NRXN3: variants seen among roughly 807,000 people sequenced by gnomAD.
NRXN3 encodes the protein neurexin III.
NRXN3 carries 32 observed loss-of-function variants against 137.6 expected under a neutral mutation model. The ratio of observed to expected loss-of-function variants is 0.23; its 90% CI spans 0.18 to 0.31. The LOEUF is 0.31. NRXN3 is among the 10% of genes least tolerant of loss of function. The probability of loss-of-function intolerance (pLI) is 1.00; values close to 1 mark genes in which losing one functional copy is unlikely to be tolerated. For synonymous variants in NRXN3, 798 were observed against 784.5 expected (o/e 1.02, Z -0.29); for missense variants, 1,574 against 2,062.5 (o/e 0.76, Z 4.59).
rs552538142 is a variant in NRXN3 at position 78,643,168 on chromosome 14, C to G, written c.758-1952C>G. Reference sequence around the variant, plus strand: ...CACATTATAAAATATCTCCTTTTTACAGCTCTTACTTTATGATGAAAAAAT... The same window carrying G: ...CACATTATAAAATATCTCCTTTTTAGAGCTCTTACTTTATGATGAAAAAAT... On this transcript the variant is annotated intron_variant, in intron 4 of 20. Coordinates refer to ENST00000335750, the MANE Select transcript of NRXN3 (RefSeq NM_001330195.2). Among the ~76,000 whole-genome samples the G allele has an allele frequency of 1.5e-4, 23 of 152,298 alleles. 1 individual carries two copies. In the South Asian group the frequency reaches 4.8e-3, roughly 32 times the overall value.
chr14:78,732,582 C>A (rs1354680210), intron 8 of NRXN3, among the ~76,000 whole-genome samples: 1 of 152,140 alleles, frequency 6.6e-6, no homozygotes, highest in Non-Finnish European at 1.5e-5. Flanking sequence ...AATGTATCTT[C>A]CCATTGATAC....
chr14:79,525,883 TTTTA>T (rs954310896), intron 16 of NRXN3, among the ~76,000 whole-genome samples: 7 of 152,110 alleles, frequency 4.6e-5, no homozygotes, highest in Non-Finnish European at 1.0e-4. Flanking sequence ...CTTTCTACCT[TTTTA>T]TTTATTTATT....
intron 4 of NRXN3, among the ~76,000 whole-genome samples, chr14:78,513,082 G>A (rs187549243): frequency 6.6e-6 from 1 of 152,260 alleles, no homozygotes; most frequent in Admixed American, 6.5e-5. Context: ...TCTGGGAGGA[G>A]AAATCTCAGA....
At chr14:79,753,292 T>C (rs1211232478) in intron 19 of NRXN3, among the ~76,000 whole-genome samples, 1 of 151,864 alleles carries the variant, frequency 6.6e-6, no homozygotes, top group African/African-American at 2.4e-5. Context: ...GCGGCACTAT[T>C]CACAATAGCA....
chr14:78,544,331 G>A (rs1185245441), intron 4 of NRXN3, among the ~76,000 whole-genome samples: 4 of 152,210 alleles, frequency 2.6e-5, no homozygotes, highest in African/African-American at 9.6e-5. Context: ...TAGGCATGCA[G>A]TGTTAATAAA....
intron 4 of NRXN3, among the ~76,000 whole-genome samples, chr14:78,463,981 C>A (rs2095014515): frequency 6.6e-6 from 1 of 151,422 alleles, no homozygotes; most frequent in East Asian, 1.9e-4. Context: ...ATTACTCATT[C>A]TTTTTTATGC....
intron 10 of NRXN3, among the ~76,000 whole-genome samples, chr14:78,943,928 C>T (rs2099360231): frequency 6.6e-6 from 1 of 151,754 alleles, no homozygotes; most frequent in African/African-American, 2.4e-5. Flanking sequence ...TTTGCAACAG[C>T]ATGAGATAAA....
chr14:79,526,395 A>G (rs1449754635), intron 16 of NRXN3, among the ~76,000 whole-genome samples: 1 of 152,096 alleles, frequency 6.6e-6, no homozygotes, highest in African/African-American at 2.4e-5. Context: ...TGATCTTGAT[A>G]TATTGCCCAG....
chr14:79,399,272 T>G (rs562257020), intron 15 of NRXN3, among the ~76,000 whole-genome samples: 494 of 152,340 alleles, frequency 3.2e-3, no homozygotes, highest in Non-Finnish European at 6.0e-3. Flanking sequence ...ATTTTACTGC[T>G]GAAAAATACT....
intron 1 of NRXN3, among the ~76,000 whole-genome samples, chr14:78,190,792 G>C (rs1263355218): frequency 2.0e-5 from 3 of 152,024 alleles, no homozygotes; most frequent in African/African-American, 7.2e-5. Flanking sequence ...TCGTGCCTCA[G>C]CCTCCCGAGT....
chr14:79,018,468 T>C (rs139712877), intron 15 of NRXN3, among the ~76,000 whole-genome samples: 1 of 152,136 alleles, frequency 6.6e-6, no homozygotes, highest in African/African-American at 2.4e-5. Flanking sequence ...TTCTCCACTT[T>C]CTGAGATCCT....
chr14:79,500,736 C>A (rs1359085829), intron 16 of NRXN3, among the ~76,000 whole-genome samples: 1 of 152,132 alleles, frequency 6.6e-6, no homozygotes, highest in Non-Finnish European at 1.5e-5. Flanking sequence ...CTGTGGGTTG[C>A]AGTGAGGTCA....
At chr14:79,017,996 A>G (rs1380610204) in intron 15 of NRXN3, among the ~76,000 whole-genome samples, 6 of 152,072 alleles carry the variant, frequency 3.9e-5, no homozygotes, top group African/African-American at 1.4e-4. Context: ...ATGGTGGCTC[A>G]TGACTGTAAT....
intron 15 of NRXN3, among the ~76,000 whole-genome samples, chr14:79,323,816 C>T (rs2090439414): frequency 6.6e-6 from 1 of 152,078 alleles, no homozygotes; most frequent in African/African-American, 2.4e-5. Flanking sequence ...CTAGATTGCG[C>T]CACTGCACTA....
intron 15 of NRXN3, among the ~76,000 whole-genome samples, chr14:79,031,262 G>T (rs1303237504): frequency 6.6e-6 from 1 of 151,984 alleles, no homozygotes; most frequent in Non-Finnish European, 1.5e-5. Flanking sequence ...ATTAAATCCA[G>T]CAAGGTTAAA....
intron 15 of NRXN3, among the ~76,000 whole-genome samples, chr14:79,140,322 AC>A (rs1338208174): frequency 6.6e-6 from 1 of 152,104 alleles, no homozygotes; most frequent in Admixed American, 6.6e-5. Flanking sequence ...TTACATACCT[AC>A]GTTTGAGAGA....
intron 10 of NRXN3, among the ~76,000 whole-genome samples, chr14:78,869,606 C>T (rs765499970): frequency 1.3e-5 from 2 of 152,128 alleles, no homozygotes; most frequent in Non-Finnish European, 2.9e-5. Flanking sequence ...GCCTCCATAC[C>T]TTTTCCTCTT....
intron 4 of NRXN3, among the ~76,000 whole-genome samples, chr14:78,452,609 A>C (rs1440574781): frequency 6.6e-6 from 1 of 152,238 alleles, no homozygotes; most frequent in Non-Finnish European, 1.5e-5. Flanking sequence ...AGCATTTCAG[A>C]ATGGCTGAAA....
At chr14:78,963,675 CCAACATCTTTTTTTCTTATACT>C (rs1463576334) in intron 11 of NRXN3, among the ~76,000 whole-genome samples, 3 of 152,122 alleles carry the variant, frequency 2.0e-5, no homozygotes, top group Non-Finnish European at 4.4e-5. Context: ...TTTAAGTTAA[CCAACATCTTTTTTTCTTATACT>C]AAGAGAGTGA....
Sources: allele counts gnomAD v4.1 joint callset (sites outside exome capture counted in the v4.1 genomes callset), GRCh38; gene constraint gnomAD v4.1.1; transcripts MANE v1.5; gene names NCBI Gene and HGNC (gene_info 2026-07-23, HGNC 2026-07-21).